Variants in TTC21A observed in about 807,000 individuals in gnomAD.
The protein encoded by TTC21A is tetratricopeptide repeat protein 21A.
A neutral mutation model predicts 156.4 loss-of-function variants in TTC21A; 128 were observed. That is an observed-to-expected ratio of 0.82 (90% CI 0.71 to 0.95). The LOEUF (loss-of-function observed/expected upper bound fraction) is 0.95. Among genes scored for constraint, TTC21A ranks in the 40% least tolerant of loss-of-function variants. The pLI, the probability that TTC21A is intolerant of heterozygous loss-of-function variation, is 0.00. For missense variants in TTC21A, 1,435 were observed against 1,602.3 expected, an observed-to-expected ratio of 0.90 and a Z score of 1.78; for synonymous variants, 587 against 617.1, an observed-to-expected ratio of 0.95 and a Z score of 0.72.
chr3:39,116,500 A>G (rs909644018), intron 6 of TTC21A, among the ~76,000 whole-genome samples: 1 of 149,610 alleles, frequency 6.7e-6, no homozygotes, highest in African/African-American at 2.5e-5. Flanking sequence ...TTGGGGGGGA[A>G]TGTCTTGCTT....
At position 39,112,602 on chromosome 3, in the gene TTC21A, G is replaced by A. The variant is rs1276786191; in HGVS notation, c.558+22G>A. On this transcript the variant is annotated intron_variant, in intron 5 of 28. Transcript: ENST00000683103. ...AAAGGTGGGCAGTGGAAAAGGGAGA[G>A]GTGGAAGTATTCCTGGCCAGGCCAC... The A allele has an allele frequency of 2.5e-6, 4 of 1,612,804 alleles. No homozygotes were observed. In the African/African-American group the frequency reaches 4.0e-5, roughly 16 times the overall value.
intron 2 of TTC21A, among the ~76,000 whole-genome samples, 191 bp from the exon 3 acceptor site, chr3:39,109,838 C>G (rs1036839103): frequency 6.6e-6 from 1 of 152,202 alleles, no homozygotes; most frequent in Non-Finnish European, 1.5e-5. Flanking sequence ...ATTTCCAGCC[C>G]CTAACAGCCT....
At chr3:39,116,807 G>A (rs1472608265) in intron 6 of TTC21A, among the ~76,000 whole-genome samples, 5 of 152,022 alleles carry the variant, frequency 3.3e-5, no homozygotes, top group African/African-American at 9.7e-5. Context: ...CCTACCAACT[G>A]CTTTCTTCCA....
At position 39,112,440 on chromosome 3, in the gene TTC21A, A is replaced by T. The variant is rs2036914827; in HGVS notation, c.436-18A>T. On this transcript the variant is annotated intron_variant, in intron 4 of 28. Coordinates refer to ENST00000683103, the MANE Select transcript of TTC21A (RefSeq NM_001366900.1). ...TGCAGGACCAAGGACTTCATCTTTC[A>T]TCTTGTTCTCATCCCAGGCCTATGT... 1.2e-6 allele frequency: 2 copies of T among 1,613,778 alleles called. No homozygotes were observed. The highest frequency in any genetic ancestry group is 4.5e-5 in the East Asian group (2 of 44,886).
At chr3:39,108,167 A>C in intron 1 of TTC21A, 2 of 550,190 alleles carry the variant, frequency 3.6e-6, no homozygotes, top group African/African-American at 1.9e-5. Context: ...TGCGCCTCCC[A>C]CCCCAGTTGA....
In TTC21A at chr3:39,120,015, C is replaced by T. The variant is rs1294757966; in HGVS notation, c.895C>T (p.Arg299Ter). ...TCTTAAAAAAATTATTGTGGTTAGCCGACTGGTAAGAAGGTTCTTTCCTGG... is the reference window on the plus strand; with the variant it reads ...TCTTAAAAAAATTATTGTGGTTAGCTGACTGGTAAGAAGGTTCTTTCCTGG... ...LHLKKIIVVSRLCGSHQVILG... is the reference protein window; with the variant it reads ...LHLKKIIVVS The change falls in exon 8 of 29, where the codon CGA (arginine) becomes TGA (stop). Residue 299 changes from arginine to a stop codon, truncating the protein, a stop_gained. Coordinates refer to ENST00000683103, the MANE Select transcript of TTC21A (RefSeq NM_001366900.1). LOFTEE classifies it high-confidence loss of function. 3.1e-6 allele frequency: 5 copies of T among 1,596,814 alleles called. No homozygotes were observed. The highest frequency in any genetic ancestry group is 1.7e-4 in the Middle Eastern group (1 of 6,018).
At position 39,130,954 on chromosome 3, in the gene TTC21A, C is replaced by T; in HGVS notation, c.2459-38C>T. On this transcript the variant is annotated intron_variant, in intron 18 of 28. Transcript: ENST00000683103. The surrounding 1 kb of genome is among the most constrained non-coding windows in gnomAD (Gnocchi z 4.5). Reference sequence around the variant, plus strand: ...CCCCACCAACACAGCTTCCCAGGAGCCAGTGAACTAACACTAATTTGAGTT... The same window carrying T: ...CCCCACCAACACAGCTTCCCAGGAGTCAGTGAACTAACACTAATTTGAGTT... 6.2e-7 allele frequency: 1 copy of T among 1,608,010 alleles called. No individual in the cohort carries two copies. Among genetic ancestry groups the T allele is most frequent in the Non-Finnish European group, 8.5e-7 (1 of 1,175,744 alleles).
chr3:39,109,361 CA>C, intron 2 of TTC21A, 147 bp downstream of exon 2: 1 of 847,018 alleles, frequency 1.2e-6, no homozygotes, highest in Non-Finnish European at 1.8e-6. Flanking sequence ...CGGGAATCCA[CA>C]GAGGCCTACG....
intron 11 of TTC21A, 74 bp from the exon 12 acceptor site, chr3:39,126,187 T>C (rs2038219889): frequency 5.1e-6 from 8 of 1,578,078 alleles, no homozygotes; most frequent in Non-Finnish European, 6.9e-6. Flanking sequence ...ACTGAGAGCA[T>C]TTTCTGAGAG....
chr3:39,137,866 T>A, intron 26 of TTC21A, 156 bp downstream of exon 26: 1 of 787,852 alleles, frequency 1.3e-6, no homozygotes, highest in Non-Finnish European at 2.0e-6. Context: ...CAGACCAGAA[T>A]AGGAATGAGG....
Position 39,117,228 on chromosome 3 carries a change from TG to T in TTC21A, c.717-840del, listed in dbSNP as rs2037369594. ...TTATTTCAAAGTATGTTGCAGTTTT[TG>T]TTAATTCTCACATGTATGAGGTTTA... is the stretch of plus-strand genomic sequence containing the variant. On this transcript the variant is annotated intron_variant, in intron 6 of 28. Transcript: ENST00000683103. 3.9e-5 allele frequency among the ~76,000 whole-genome samples: 6 copies of T among 152,376 alleles called. No individual in the cohort carries two copies. In the South Asian group the frequency reaches 1.2e-3, roughly 32 times the overall value.
rs1416120872 is a variant in TTC21A at position 39,112,442 on chromosome 3, C to G, written c.436-16C>G. 3.1e-6 allele frequency: 5 copies of G among 1,613,980 alleles called. No individual in the cohort carries two copies. In the South Asian group the frequency reaches 5.5e-5, roughly 18 times the overall value. On this transcript the variant is annotated splice_polypyrimidine_tract_variant and intron_variant, in intron 4 of 28. Coordinates refer to ENST00000683103, the MANE Select transcript of TTC21A (RefSeq NM_001366900.1). ...CAGGACCAAGGACTTCATCTTTCAT[C>G]TTGTTCTCATCCCAGGCCTATGTGC...
rs571702769 is a variant in TTC21A at position 39,134,458 on chromosome 3, G to A, written c.2862+130G>A. The A allele has an allele frequency of 3.3e-4, 252 of 755,086 alleles. 1 individual carries two copies. In the East Asian group the frequency reaches 6.0e-3, roughly 18 times the overall value. The allele number at this position is 755,086 out of a possible 1,614,324, so 46.8% of individuals were successfully genotyped here. ...ACTGACACACCTCTGAGGAGCTGTC[G>A]GGCAGAGAGGACTCAGTGCTGCACC... On this transcript the variant is annotated intron_variant, in intron 21 of 28. Transcript: ENST00000683103. The surrounding 1 kb of genome is among the most constrained non-coding windows in gnomAD (Gnocchi z 4.6).
intron 20 of TTC21A, among the ~76,000 whole-genome samples, chr3:39,133,805 T>C (rs751015155): frequency 3.3e-5 from 5 of 152,218 alleles, no homozygotes; most frequent in Admixed American, 6.5e-5. Context: ...GGGCAAAGCT[T>C]GGTCACTGCC....
intron 9 of TTC21A, among the ~76,000 whole-genome samples, chr3:39,123,866 G>T (rs2037983188): frequency 6.6e-6 from 1 of 152,026 alleles, no homozygotes; most frequent in Non-Finnish European, 1.5e-5. Flanking sequence ...AAAAAACCAG[G>T]CAGGCTGTGA....
chr3:39,119,645 AAAAAAAAG>A, intron 7 of TTC21A: 4 of 250,862 alleles, frequency 1.6e-5, no homozygotes, highest in East Asian at 8.3e-5. Flanking sequence ...AAAAAAAAAG[AAAAAAAAG>A]AAAAAAAAAA....
At chr3:39,126,543 G>GCA (rs199608452) in intron 12 of TTC21A, among the ~76,000 whole-genome samples, 153 bp downstream of exon 12, 71 of 94,698 alleles carry the variant, frequency 7.5e-4, no homozygotes, top group East Asian at 2.3e-3. Context: ...GGGGTACTAC[G>GCA]CACACACACA....
intron 9 of TTC21A, among the ~76,000 whole-genome samples, chr3:39,121,636 C>T (rs1029496919): frequency 2.6e-5 from 4 of 152,226 alleles, no homozygotes; most frequent in African/African-American, 9.6e-5. Context: ...TTATATATTT[C>T]CCTGTCTGTC....
intron 4 of TTC21A, among the ~76,000 whole-genome samples, chr3:39,111,682 A>G (rs1390164613): frequency 1.3e-5 from 2 of 152,228 alleles, no homozygotes; most frequent in East Asian, 1.9e-4. Flanking sequence ...TGTATAAAAC[A>G]CAGATATATA....
Sources: allele counts gnomAD v4.1 joint callset (sites outside exome capture counted in the v4.1 genomes callset), GRCh38; gene constraint gnomAD v4.1.1; non-coding constraint Gnocchi (gnomAD v3.1); transcripts MANE v1.5; gene names NCBI Gene and HGNC (gene_info 2026-07-23, HGNC 2026-07-21).